The following NUAK1 variants were observed in gnomAD, a reference collection of about 807,000 sequenced individuals.
NUAK1 encodes NUAK family kinase 1.
NUAK1 carries 26 observed loss-of-function variants against 56.9 expected under a neutral mutation model. The ratio of observed to expected loss-of-function variants is 0.46; its 90% CI spans 0.33 to 0.63. The LOEUF (loss-of-function observed/expected upper bound fraction) is 0.63. Ranked by LOEUF, NUAK1 falls within the 30% of genes least tolerant of loss-of-function variation. The pLI is 0.02. For missense variants in NUAK1, 727 were observed against 876.1 expected (o/e 0.83, Z 2.15); for synonymous variants, 337 against 336.0 (o/e 1.00, Z -0.03).
At chr12:106,129,905 G>T (rs1028707082) in intron 1 of NUAK1, among the ~76,000 whole-genome samples, 1 of 152,148 alleles carries the variant, frequency 6.6e-6, no homozygotes, top group African/African-American at 2.4e-5. Flanking sequence ...CTAGCTCCTG[G>T]GTAGCAGGAC....
chr12:106,078,148 T>C (rs572604630), intron 4 of NUAK1, among the ~76,000 whole-genome samples: 9 of 152,360 alleles, frequency 5.9e-5, no homozygotes, highest in African/African-American at 2.2e-4. Context: ...GGGGGACTGC[T>C]TGAGGCCAGG....
At chr12:106,123,169 C>T (rs867985600) in intron 1 of NUAK1, among the ~76,000 whole-genome samples, 3 of 152,124 alleles carry the variant, frequency 2.0e-5, no homozygotes, top group East Asian at 1.9e-4. Context: ...ACCGGAGATA[C>T]AAAAAATGTG....
Position 106,106,428 on chromosome 12 carries a change from G to A in NUAK1, c.338C>T (p.Pro113Leu). The A allele has an allele frequency of 6.2e-7, 1 of 1,611,386 alleles. No homozygotes were observed. The highest frequency in any genetic ancestry group is 1.1e-5 in the South Asian group (1 of 90,680). The change falls in exon 2 of 7, where the codon CCT (proline) becomes CTT (leucine). Residue 113 changes from proline (P) to leucine (L), a missense_variant. Physicochemically the swap from Pro to Leu is moderately conservative, Grantham distance 98. Coordinates refer to ENST00000261402, the MANE Select transcript of NUAK1 (RefSeq NM_014840.3). ...EIEIMSSLNH[P>L]HIISIYEVFE... Reference sequence around the variant, plus strand: ...ACCTTCATAAATACTGATGATATGAGGATGGTTGAGAGATGACATGATCTC... The same window carrying A: ...ACCTTCATAAATACTGATGATATGAAGATGGTTGAGAGATGACATGATCTC...
rs2032327147 is a variant in NUAK1 at position 106,065,480 on chromosome 12, C to T, written c.*1322G>A. On this transcript the variant is annotated 3_prime_UTR_variant, in exon 7 of 7. Transcript: ENST00000261402. Reference sequence around the variant, plus strand: ...TTTAAATGAATGGAACTTTCTCTTCCCCCAAAGCCCAGGAGTTCATGGCAA... The same window carrying T: ...TTTAAATGAATGGAACTTTCTCTTCTCCCAAAGCCCAGGAGTTCATGGCAA... The T allele has an allele frequency of 6.6e-6, 1 of 152,100 alleles. No individual in the cohort carries two copies. Among genetic ancestry groups the T allele is most frequent in the Non-Finnish European group, 1.5e-5 (1 of 68,024 alleles). 9.4% of individuals were successfully genotyped at this position (152,100 alleles called of 1,614,324 possible). A position where few individuals can be genotyped will look rare whatever the true frequency, so the allele number is the denominator to read the frequency against.
chr12:106,070,476 T>G (rs1320683133), intron 6 of NUAK1, among the ~76,000 whole-genome samples: 1 of 152,182 alleles, frequency 6.6e-6, no homozygotes, highest in Admixed American at 6.5e-5. Context: ...CTAATATCTT[T>G]TCCAACGTTT....
At chr12:106,124,755 AC>A (rs2033009816) in intron 1 of NUAK1, among the ~76,000 whole-genome samples, 1 of 152,034 alleles carries the variant, frequency 6.6e-6, no homozygotes, top group Non-Finnish European at 1.5e-5. Context: ...CATGACTGTA[AC>A]CCCAGCACTA....
chr12:106,086,394 T>A (rs149275713), intron 3 of NUAK1, among the ~76,000 whole-genome samples: 38 of 152,184 alleles, frequency 2.5e-4, no homozygotes, highest in Admixed American at 2.5e-3. Context: ...AAATGTAAGA[T>A]GTTAATATTA....
intron 4 of NUAK1, among the ~76,000 whole-genome samples, chr12:106,077,589 G>C (rs2032477255): frequency 2.0e-5 from 3 of 152,178 alleles, no homozygotes. Context: ...TTCAGGGTTT[G>C]AGCACTTGAG....
intron 3 of NUAK1, among the ~76,000 whole-genome samples, chr12:106,084,864 A>G (rs1266623324): frequency 6.6e-6 from 1 of 152,268 alleles, no homozygotes; most frequent in Non-Finnish European, 1.5e-5. Context: ...AACATCATTC[A>G]GCATAAAGGA....
chr12:106,115,423 T>C (rs1285251030), intron 1 of NUAK1, among the ~76,000 whole-genome samples: 1 of 152,214 alleles, frequency 6.6e-6, no homozygotes, highest in Non-Finnish European at 1.5e-5. Context: ...TTTATAGCAA[T>C]GTACAAGACC....
At chr12:106,082,247 C>T (rs1354461395) in intron 4 of NUAK1, among the ~76,000 whole-genome samples, 1 of 152,228 alleles carries the variant, frequency 6.6e-6, no homozygotes, top group Non-Finnish European at 1.5e-5. Flanking sequence ...CAACTCTTGA[C>T]AGATGAGGAA....
At chr12:106,116,275 G>A (rs1159030655) in intron 1 of NUAK1, among the ~76,000 whole-genome samples, 1 of 152,172 alleles carries the variant, frequency 6.6e-6, no homozygotes, top group Non-Finnish European at 1.5e-5. Context: ...ATCTGCCGCT[G>A]AGCCTTCTTT....
At chr12:106,119,073 C>T (rs2032948280) in intron 1 of NUAK1, among the ~76,000 whole-genome samples, 1 of 152,144 alleles carries the variant, frequency 6.6e-6, no homozygotes, top group Non-Finnish European at 1.5e-5. Flanking sequence ...AATAAGGGGA[C>T]TAAATTCTAC....
Position 106,137,667 on chromosome 12 carries a change from C to T in NUAK1, c.240+747G>A, listed in dbSNP as rs932383262. 2.6e-5 allele frequency among the ~76,000 whole-genome samples: 4 copies of T among 152,330 alleles called. No individual in the cohort carries two copies. In the East Asian group the frequency reaches 5.8e-4, roughly 22 times the overall value. The stretch of plus-strand genomic sequence containing the variant: ...AGGGTGTCAGCTGTCACAAGAGCAG[C>T]GGGGCCAGACCCCTTCAGCGGTTTG... On this transcript the variant is annotated intron_variant, in intron 1 of 6. Coordinates refer to ENST00000261402, the MANE Select transcript of NUAK1 (RefSeq NM_014840.3).
intron 6 of NUAK1, among the ~76,000 whole-genome samples, chr12:106,070,135 T>C (rs766253021): frequency 1.4e-4 from 22 of 152,170 alleles, no homozygotes; most frequent in Non-Finnish European, 2.8e-4. Flanking sequence ...GGGTGGCACC[T>C]CAGAGAGCAC....
At chr12:106,090,674 C>T (rs1365577799) in intron 2 of NUAK1, among the ~76,000 whole-genome samples, 1 of 152,210 alleles carries the variant, frequency 6.6e-6, no homozygotes, top group Non-Finnish European at 1.5e-5. Context: ...CCTCCGCCTC[C>T]TCATCAGTCC....
In NUAK1 at chr12:106,070,808, G is replaced by A. The variant is rs1468633039; in HGVS notation, c.798C>T (p.Ser266=). Residue 266 remains serine, a synonymous_variant, in exon 6 of 7, where the codon AGC becomes AGT. Coordinates refer to ENST00000261402, the MANE Select transcript of NUAK1 (RefSeq NM_014840.3). ...GTGTTGGCTCCCGGTACTCTCCGCT[G>A]CTGATTTGCCGAATGAGGTTTTTGT... is the stretch of plus-strand genomic sequence containing the variant. The part of the protein sequence containing the change: ...FDHKNLIRQI[S]SGEYREPTQP... 1 of 1,614,058 alleles carries A rather than the reference G, an allele frequency of 6.2e-7. No individual in the cohort carries two copies. Among genetic ancestry groups the A allele is most frequent in the African/African-American group, 1.3e-5 (1 of 74,908 alleles).
intron 1 of NUAK1, among the ~76,000 whole-genome samples, chr12:106,135,632 G>A (rs1448496836): frequency 6.6e-6 from 1 of 152,124 alleles, no homozygotes; most frequent in African/African-American, 2.4e-5. Context: ...AGTAAAACAC[G>A]TTAGAACCAC....
At chr12:106,135,110 G>A (rs1237437792) in intron 1 of NUAK1, among the ~76,000 whole-genome samples, 1 of 152,158 alleles carries the variant, frequency 6.6e-6, no homozygotes, top group Non-Finnish European at 1.5e-5. Context: ...CTATGAAGTT[G>A]GTACTCTTAG....
Sources: allele counts gnomAD v4.1 joint callset (sites outside exome capture counted in the v4.1 genomes callset), GRCh38; gene constraint gnomAD v4.1.1; transcripts MANE v1.5; gene names NCBI Gene and HGNC (gene_info 2026-07-23, HGNC 2026-07-21).